CDH18: variants seen among roughly 807,000 people sequenced by gnomAD.
CDH18 encodes the protein cadherin 18, also known as cadherin-18.
In CDH18, 31 loss-of-function variants were observed where a neutral mutation model predicts 67.9. That is an observed-to-expected ratio of 0.46 (90% CI 0.34 to 0.62). CDH18 has a LOEUF of 0.62. Among genes scored for constraint, CDH18 ranks in the 20% least tolerant of loss-of-function variants. The pLI, the probability that CDH18 is intolerant of heterozygous loss-of-function variation, is 0.01. For missense variants in CDH18, 890 were observed against 975.5 expected (o/e 0.91, Z 1.17); for synonymous variants, 362 against 347.2 (o/e 1.04, Z -0.48).
rs1745087034 is a variant in CDH18, at chr5:19,591,259, A to G, written c.812-15T>C. 6.7e-7 allele frequency: 1 copy of G among 1,494,910 alleles called. No homozygotes were observed. Among genetic ancestry groups the G allele is most frequent in the Non-Finnish European group, 9.1e-7 (1 of 1,104,298 alleles). 92.6% of individuals were successfully genotyped at this position (1,494,910 alleles called of 1,614,324 possible). A position where few individuals can be genotyped will look rare whatever the true frequency, so the allele number is the denominator to read the frequency against. On this transcript the variant is annotated splice_polypyrimidine_tract_variant and intron_variant, in intron 6 of 12. Transcript: ENST00000382275. ...CTGATAGTGTTCTGGAAGACATTTC[A>G]TATTAAACATATTTAAATACAATGT...
chr5:20,265,774 G>C (rs1470584350), intron 1 of CDH18, among the ~76,000 whole-genome samples: 5 of 152,142 alleles, frequency 3.3e-5, no homozygotes, highest in Non-Finnish European at 7.4e-5. Context: ...GACAAGATGT[G>C]AAGATTAATT....
intron 2 of CDH18, among the ~76,000 whole-genome samples, chr5:20,095,607 G>GAAAGAAGAAAGAAAC (rs1745924852): frequency 6.8e-6 from 1 of 146,710 alleles, no homozygotes; most frequent in Non-Finnish European, 1.5e-5. Flanking sequence ...AAGAAAGAAA[G>GAAAGAAGAAAGAAAC]AAAAGAAAAG....
chr5:20,148,343 C>T lies in CDH18; in HGVS notation c.-518+107101G>A, dbSNP rs186677058. Among the ~76,000 whole-genome samples the T allele has an allele frequency of 2.4e-3, 367 of 152,114 alleles. 2 individuals carry two copies. The highest frequency in any genetic ancestry group is 8.3e-3 in the African/African-American group (346 of 41,512). Reference sequence around the variant, plus strand: ...CGATCTCCTGACCTCGTGATCCGCCCGCCTTGGCCTCCCAAAGTGCTGGGA... The same window carrying T: ...CGATCTCCTGACCTCGTGATCCGCCTGCCTTGGCCTCCCAAAGTGCTGGGA... On this transcript the variant is annotated intron_variant, in intron 2 of 14. Transcript: ENST00000507958.
chr5:20,085,580 T>C (rs964713275), intron 2 of CDH18, among the ~76,000 whole-genome samples: 1 of 152,144 alleles, frequency 6.6e-6, no homozygotes, highest in African/African-American at 2.4e-5. Context: ...AATAAAGATA[T>C]ACCTGGGACT....
chr5:19,778,387 C>G (rs1774652782), intron 3 of CDH18, among the ~76,000 whole-genome samples: 1 of 152,108 alleles, frequency 6.6e-6, no homozygotes, highest in Non-Finnish European at 1.5e-5. Context: ...GTGTCTTTAT[C>G]AGACAAGAAG....
intron 2 of CDH18, among the ~76,000 whole-genome samples, chr5:20,246,022 C>T (rs1305620141): frequency 6.6e-6 from 1 of 152,028 alleles, no homozygotes; most frequent in Non-Finnish European, 1.5e-5. Flanking sequence ...GAAAGACTAC[C>T]ACAATTTGTG....
At chr5:20,575,248 G>GA (rs999975870) in intron 1 of CDH18, among the ~76,000 whole-genome samples, 15 of 148,582 alleles carry the variant, frequency 1.0e-4, no homozygotes, top group African/African-American at 2.7e-4. Flanking sequence ...CCTTATTTTT[G>GA]AAAAAAAAAT....
chr5:19,794,599 T>C (rs1213688723), intron 3 of CDH18, among the ~76,000 whole-genome samples: 3 of 152,124 alleles, frequency 2.0e-5, no homozygotes, highest in Admixed American at 6.6e-5. Flanking sequence ...CCTAATATTC[T>C]ATAGGTTCTG....
chr5:20,121,668 T>A (rs1409923954), intron 2 of CDH18, among the ~76,000 whole-genome samples: 2 of 152,182 alleles, frequency 1.3e-5, no homozygotes, highest in Non-Finnish European at 1.5e-5. Flanking sequence ...TCCTGTTACA[T>A]GAGGCTAATA....
chr5:20,133,603 A>G (rs1244760251), intron 2 of CDH18, among the ~76,000 whole-genome samples: 1 of 151,046 alleles, frequency 6.6e-6, no homozygotes, highest in African/African-American at 2.4e-5. Flanking sequence ...TAAATATTTC[A>G]CTCCTTTCTT....
At chr5:19,968,556 G>C (rs1797706307) in intron 2 of CDH18, among the ~76,000 whole-genome samples, 1 of 151,300 alleles carries the variant, frequency 6.6e-6, no homozygotes, top group South Asian at 2.1e-4. Context: ...ACAACTATCA[G>C]ATCTTTGACA....
intron 1 of CDH18, among the ~76,000 whole-genome samples, chr5:20,516,343 T>C (rs952024103): frequency 1.3e-5 from 2 of 151,992 alleles, no homozygotes; most frequent in Admixed American, 6.6e-5. Flanking sequence ...GCAGTTTGGA[T>C]AGGTTTTCAT....
chr5:19,985,022 C>G (rs1371558991), intron 1 of CDH18, among the ~76,000 whole-genome samples: 1 of 152,074 alleles, frequency 6.6e-6, no homozygotes, highest in Non-Finnish European at 1.5e-5. Flanking sequence ...GAACCAGTAT[C>G]TTTATTTATT....
chr5:20,220,158 T>C (rs1741110527), intron 2 of CDH18, among the ~76,000 whole-genome samples: 1 of 151,916 alleles, frequency 6.6e-6, no homozygotes, highest in African/African-American at 2.4e-5. Flanking sequence ...ATGTCCAAAA[T>C]AGCCAAAGCT....
At chr5:20,118,800 C>T (rs1265514289) in intron 2 of CDH18, among the ~76,000 whole-genome samples, 1 of 152,036 alleles carries the variant, frequency 6.6e-6, no homozygotes, top group Non-Finnish European at 1.5e-5. Context: ...CTGTACAATC[C>T]CAGGAAGAAC....
intron 2 of CDH18, among the ~76,000 whole-genome samples, chr5:20,048,298 A>G (rs1741084247): frequency 6.6e-6 from 1 of 151,686 alleles, no homozygotes; most frequent in Non-Finnish European, 1.5e-5. Flanking sequence ...ACGTGCTTAC[A>G]CTAATTTAGT....
chr5:20,320,532 A>C (rs2150005765), intron 1 of CDH18, among the ~76,000 whole-genome samples: 1 of 152,322 alleles, frequency 6.6e-6, no homozygotes, highest in South Asian at 2.1e-4. Flanking sequence ...ATGTTGTTCT[A>C]AGAAATTCTA....
At chr5:19,898,172 C>G (rs980639318) in intron 2 of CDH18, among the ~76,000 whole-genome samples, 3 of 151,730 alleles carry the variant, frequency 2.0e-5, no homozygotes, top group African/African-American at 7.3e-5. Flanking sequence ...GTATTATTTT[C>G]TCTATGTTAT....
At chr5:20,049,536 A>T (rs78215405) in intron 2 of CDH18, among the ~76,000 whole-genome samples, 1,739 of 151,880 alleles carry the variant, frequency 0.011, 37 homozygotes, top group African/African-American at 0.04. Context: ...AAGAAACACT[A>T]CAATATAGCA....
Sources: allele counts gnomAD v4.1 joint callset (sites outside exome capture counted in the v4.1 genomes callset), GRCh38; gene constraint gnomAD v4.1.1; transcripts MANE v1.5; gene names NCBI Gene and HGNC (gene_info 2026-07-23, HGNC 2026-07-21).